DPP10: variants seen among roughly 807,000 people sequenced by gnomAD.
The protein encoded by DPP10 is dipeptidyl peptidase like 10, also known as inactive dipeptidyl peptidase 10.
Under a neutral mutation model 120.9 loss-of-function variants are expected in DPP10, and 33 were observed. The ratio of observed to expected loss-of-function variants is 0.27; its 90% CI spans 0.21 to 0.37. The LOEUF is 0.37. Ranked by LOEUF, DPP10 falls within the 10% of genes least tolerant of loss-of-function variation. DPP10 has a pLI of 1.00. For synonymous variants in DPP10, 337 were observed against 326.1 expected (o/e 1.03, Z -0.36); for missense variants, 816 against 942.8 (o/e 0.87, Z 1.76).
chr2:115,617,405 G>A (rs549966383), intron 5 of DPP10, among the ~76,000 whole-genome samples: 4 of 150,124 alleles, frequency 2.7e-5, no homozygotes, highest in Admixed American at 1.3e-4. Context: ...CAAGAATGGA[G>A]CAATGCATTT....
chr2:115,694,691 T>C (rs2091487494), intron 7 of DPP10, among the ~76,000 whole-genome samples: 1 of 152,186 alleles, frequency 6.6e-6, no homozygotes, highest in African/African-American at 2.4e-5. Context: ...ATTGCTACAG[T>C]AGACATGTAA....
chr2:115,098,801 C>G (rs1028447089), intron 1 of DPP10, among the ~76,000 whole-genome samples: 3 of 152,272 alleles, frequency 2.0e-5, no homozygotes, highest in Non-Finnish European at 2.9e-5. Flanking sequence ...CATTGTTTCT[C>G]TCTTCCATTA....
chr2:115,657,153 CCT>C (rs1277646692), intron 5 of DPP10, among the ~76,000 whole-genome samples: 1 of 151,542 alleles, frequency 6.6e-6, no homozygotes, highest in African/African-American at 2.4e-5. Context: ...TTAACATAAA[CCT>C]CTTTTATTTG....
At chr2:115,386,759 C>T (rs1197197986) in intron 3 of DPP10, among the ~76,000 whole-genome samples, 2 of 152,080 alleles carry the variant, frequency 1.3e-5, no homozygotes. Context: ...TGCTGCTTCT[C>T]AATTTCATTC....
intron 19 of DPP10, among the ~76,000 whole-genome samples, chr2:115,797,095 A>G (rs929912682): frequency 1.4e-4 from 21 of 152,178 alleles, no homozygotes; most frequent in Admixed American, 1.2e-3. Context: ...AACAGTTTAT[A>G]ATAGTTTCTG....
At chr2:114,616,059 A>G (rs1693651606) in intron 1 of DPP10, among the ~76,000 whole-genome samples, 1 of 152,172 alleles carries the variant, frequency 6.6e-6, no homozygotes, top group South Asian at 2.1e-4. Flanking sequence ...CATAAATCAA[A>G]GTGAATTGCA....
intron 1 of DPP10, among the ~76,000 whole-genome samples, chr2:114,595,820 C>T (rs1490102875): frequency 6.6e-6 from 1 of 152,146 alleles, no homozygotes; most frequent in African/African-American, 2.4e-5. Flanking sequence ...AAGTATACTA[C>T]TTCAGGCACC....
intron 1 of DPP10, among the ~76,000 whole-genome samples, chr2:114,512,228 C>G (rs149395574): frequency 3.5e-4 from 54 of 152,218 alleles, no homozygotes; most frequent in African/African-American, 1.2e-3. Flanking sequence ...AGTTATATAA[C>G]CAGGGGACCA....
At chr2:115,446,777 G>A (rs1254142981) in intron 3 of DPP10, among the ~76,000 whole-genome samples, 1 of 152,158 alleles carries the variant, frequency 6.6e-6, no homozygotes, top group Non-Finnish European at 1.5e-5. Context: ...GGGGCCCATT[G>A]TATTAGTGTG....
At chr2:114,764,717 T>C (rs1411018646) in intron 1 of DPP10, among the ~76,000 whole-genome samples, 1 of 152,102 alleles carries the variant, frequency 6.6e-6, no homozygotes, top group Non-Finnish European at 1.5e-5. Context: ...ATAAATAACA[T>C]TTTGATGTGT....
At chr2:115,571,171 A>G (rs1380566519) in intron 5 of DPP10, among the ~76,000 whole-genome samples, 1 of 152,230 alleles carries the variant, frequency 6.6e-6, no homozygotes. Flanking sequence ...AGTCAACACA[A>G]TGCAAAAACT....
At chr2:115,738,162 A>G (rs978601258) in intron 8 of DPP10, among the ~76,000 whole-genome samples, 1 of 152,092 alleles carries the variant, frequency 6.6e-6, no homozygotes, top group Non-Finnish European at 1.5e-5. Flanking sequence ...TCTTACCCTA[A>G]AAGAGCAAAT....
At chr2:114,736,841 C>T (rs1273066235) in intron 1 of DPP10, among the ~76,000 whole-genome samples, 1 of 152,182 alleles carries the variant, frequency 6.6e-6, no homozygotes, top group Non-Finnish European at 1.5e-5. Context: ...AAGAGACTCT[C>T]TCAGAATATT....
At chr2:114,636,153 G>T (rs2105401792) in intron 1 of DPP10, among the ~76,000 whole-genome samples, 1 of 152,062 alleles carries the variant, frequency 6.6e-6, no homozygotes, top group African/African-American at 2.4e-5. Flanking sequence ...GTAAAAAGCA[G>T]ATAGTTCATT....
intron 1 of DPP10, among the ~76,000 whole-genome samples, chr2:115,174,833 A>G (rs889612635): frequency 6.6e-6 from 1 of 152,198 alleles, no homozygotes; most frequent in Non-Finnish European, 1.5e-5. Context: ...CCAGTGTCAG[A>G]TTTGATTCAC....
chr2:115,569,383 A>C (rs2081206138), intron 5 of DPP10, among the ~76,000 whole-genome samples: 1 of 152,204 alleles, frequency 6.6e-6, no homozygotes, highest in African/African-American at 2.4e-5. Flanking sequence ...AAAAAAGGGC[A>C]AAAGTAGGCT....
intron 7 of DPP10, among the ~76,000 whole-genome samples, chr2:115,726,064 T>C (rs1468187803): frequency 6.6e-6 from 1 of 152,178 alleles, no homozygotes; most frequent in Non-Finnish European, 1.5e-5. Context: ...TTTCATTGTC[T>C]CACCTGAGAA....
intron 1 of DPP10, among the ~76,000 whole-genome samples, chr2:115,032,335 C>T (rs1023273662): frequency 6.6e-6 from 1 of 151,962 alleles, no homozygotes; most frequent in African/African-American, 2.4e-5. Context: ...TTAGTATTAC[C>T]CATCTCTATA....
intron 1 of DPP10, among the ~76,000 whole-genome samples, chr2:115,293,516 G>A (rs1275252359): frequency 6.6e-6 from 1 of 152,018 alleles, no homozygotes; most frequent in Non-Finnish European, 1.5e-5. Context: ...TTTTTCTTAT[G>A]ATTCAACTCT....
Sources: allele counts gnomAD v4.1 joint callset (sites outside exome capture counted in the v4.1 genomes callset), GRCh38; gene constraint gnomAD v4.1.1; transcripts MANE v1.5; gene names NCBI Gene and HGNC (gene_info 2026-07-23, HGNC 2026-07-21).